The following PRKCG variants were observed in gnomAD, a reference collection of about 807,000 sequenced individuals.
PRKCG encodes protein kinase C gamma, also known as protein kinase C gamma type.
PRKCG carries 28 observed loss-of-function variants against 82.0 expected under a neutral mutation model. The observed-to-expected ratio is 0.34, with a 90% CI of 0.25 to 0.47. The LOEUF (loss-of-function observed/expected upper bound fraction) is 0.47, where lower values mean the gene tolerates loss of function less well. PRKCG is among the 20% of genes least tolerant of loss of function. The probability of loss-of-function intolerance (pLI) is 1.00; values close to 1 mark genes in which losing one functional copy is unlikely to be tolerated. For missense variants in PRKCG, 640 were observed against 952.7 expected, an observed-to-expected ratio of 0.67 and a Z score of 4.32; for synonymous variants, 383 against 376.6, an observed-to-expected ratio of 1.02 and a Z score of -0.20.
chr19:53,906,067 C>CTTCTTCT (rs1263947488), intron 16 of PRKCG, among the ~76,000 whole-genome samples: 6 of 77,412 alleles, frequency 7.8e-5, no homozygotes, highest in African/African-American at 6.8e-4. Context: ...CCTCCTCCTC[C>CTTCTTCT]TCCTCCTCCT....
chr19:53,888,152 C>A (rs969511984), intron 3 of PRKCG, among the ~76,000 whole-genome samples: 3 of 152,134 alleles, frequency 2.0e-5, no homozygotes, highest in African/African-American at 7.2e-5. Flanking sequence ...TTATTTAGTG[C>A]GGCAGGAACC....
rs1370862433 is a variant in PRKCG, at chr19:53,900,770, C to T, written c.1575+21C>T. ...CGGAGGTAACCCCAACCCTGCTGCT[C>T]TGGTCACGCTTTGAGATCCCTTAGA... On this transcript the variant is annotated intron_variant, in intron 14 of 17. Coordinates refer to ENST00000263431, the MANE Select transcript of PRKCG (RefSeq NM_002739.5). The surrounding 1 kb of genome is among the most constrained non-coding windows in gnomAD (Gnocchi z 4.2). 6.2e-7 allele frequency: 1 copy of T among 1,614,078 alleles called. No individual in the cohort carries two copies. Among genetic ancestry groups the T allele is most frequent in the Non-Finnish European group, 8.5e-7 (1 of 1,180,036 alleles).
In PRKCG at chr19:53,906,771, C is replaced by T; in HGVS notation, c.1970C>T (p.Pro657Leu). Residue 657 changes from proline to leucine, a missense_variant, in exon 18 of 18, where the codon CCA becomes CTA. By Grantham distance (98) the Pro-to-Leu change is moderately conservative. Around this residue, in one of 7 missense-constraint regions of PRKCG, gnomAD observed 198 missense variants for 273.4 expected, o/e 0.72. Transcript: ENST00000263431. ...FTRAAPALTP[P>L]DRLVLASIDQ... ...CGGGCGGCGCCAGCGCTGACCCCTC[C>T]AGACCGCCTAGTCCTGGCCAGCATC... The T allele has an allele frequency of 1.9e-6, 3 of 1,613,618 alleles. No individual in the cohort carries two copies. The highest frequency in any genetic ancestry group is 2.5e-6 in the Non-Finnish European group (3 of 1,180,016).
At position 53,889,722 on chromosome 19, in the gene PRKCG, C is replaced by A; in HGVS notation, c.370C>A (p.Leu124Ile). The A allele has an allele frequency of 6.2e-7, 1 of 1,614,134 alleles. No homozygotes were observed. Among genetic ancestry groups the A allele is most frequent in the East Asian group, 2.2e-5 (1 of 44,860 alleles). Residue 124 changes from leucine to isoleucine, a missense_variant, in exon 4 of 18, where the codon CTT becomes ATT. By Grantham distance (5) the Leu-to-Ile change is conservative (BLOSUM62 2). Transcript: ENST00000263431. This position sits in a 1 kb window ranked among gnomAD's most constrained non-coding sequence, Gnocchi z 4.4. ...CDHCGSLLYGLVHQGMKCSCC... is the reference protein window; with the variant it reads ...CDHCGSLLYGIVHQGMKCSCC... ...CCACTGTGGCTCCCTCCTCTACGGG[C>A]TTGTGCACCAGGGCATGAAATGCTC... is the stretch of plus-strand genomic sequence containing the variant.
chr19:53,900,749 G>A lies in PRKCG; in HGVS notation c.1575G>A (p.Glu525=), dbSNP rs1249494425. ...FCGTPDYIAP[E]IIAYQPYGKS... is the part of the protein sequence containing the mutation. The stretch of plus-strand genomic sequence containing the variant: ...GGACCCCGGACTACATAGCCCCGGA[G>A]GTAACCCCAACCCTGCTGCTCTGGT... Residue 525 remains glutamate, a splice_region_variant and synonymous_variant, in exon 14 of 18, where the codon GAG becomes GAA. Coordinates refer to ENST00000263431, the MANE Select transcript of PRKCG (RefSeq NM_002739.5). The surrounding 1 kb of genome is among the most constrained non-coding windows in gnomAD (Gnocchi z 4.2). The A allele has an allele frequency of 6.2e-7, 1 of 1,614,194 alleles. No individual in the cohort carries two copies. The highest frequency in any genetic ancestry group is 2.2e-5 in the East Asian group (1 of 44,888).
intron 5 of PRKCG, among the ~76,000 whole-genome samples, chr19:53,891,338 G>A (rs1421054081): frequency 4.0e-5 from 6 of 150,658 alleles, no homozygotes; most frequent in Non-Finnish European, 7.4e-5. Flanking sequence ...GTGCAGTGGC[G>A]TAATCTCGGC....
chr19:53,899,720 G>A (rs558620158), intron 11 of PRKCG, among the ~76,000 whole-genome samples: 64 of 152,184 alleles, frequency 4.2e-4, no homozygotes, highest in African/African-American at 1.5e-3. Flanking sequence ...CTGAGTAGCT[G>A]GGATTACAGG....
At chr19:53,898,383 G>A in intron 10 of PRKCG, 57 bp from the exon 11 acceptor site, 1 of 1,601,522 alleles carries the variant, frequency 6.2e-7, no homozygotes, top group Non-Finnish European at 8.6e-7. Context: ...GGAGGGGGCA[G>A]GTCCTGTACC....
At position 53,904,671 on chromosome 19, in the gene PRKCG, C is replaced by T; in HGVS notation, c.1693C>T (p.Gln565Ter). ...TGGGGAGGACGAGGAGGAGCTGTTT[C>T]AGGCCATCATGGAACAAACTGTCAC... ...FDGEDEEELF[Q>*]AIMEQTVTYP... Residue 565 changes from glutamine (Q) to a stop codon, truncating the protein, a stop_gained, in exon 16 of 18, where the codon CAG becomes TAG. Transcript: ENST00000263431. LOFTEE classifies it high-confidence loss of function. The T allele has an allele frequency of 6.2e-7, 1 of 1,613,662 alleles. No homozygotes were observed. Among genetic ancestry groups the T allele is most frequent in the Non-Finnish European group, 8.5e-7 (1 of 1,179,934 alleles).
chr19:53,898,023 A>C lies in PRKCG; in HGVS notation c.1004A>C (p.Lys335Thr). ...PSPSPSPTDP[K>T]RCFFGASPGR... The stretch of plus-strand genomic sequence containing the variant: ...CCTTCCCCTAGTCCCACCGACCCCA[A>C]GCGCTGCTTCTTCGGGGCGAGTCCA... The change falls in exon 10 of 18, where the codon AAG becomes ACG. Residue 335 changes from lysine to threonine, a missense_variant. Lys to Thr is a moderately conservative substitution (Grantham distance 78). Transcript: ENST00000263431. 1 of 1,613,972 alleles carries C rather than the reference A, an allele frequency of 6.2e-7. No individual in the cohort carries two copies. Among genetic ancestry groups the C allele is most frequent in the South Asian group, 1.1e-5 (1 of 91,068 alleles).
chr19:53,889,746 T>G lies in PRKCG; in HGVS notation c.394T>G (p.Ser132Ala). 6.2e-7 allele frequency: 1 copy of G among 1,613,728 alleles called. No individual in the cohort carries two copies. The highest frequency in any genetic ancestry group is 1.3e-5 in the African/African-American group (1 of 74,974). Residue 132 changes from serine (S) to alanine (A), a missense_variant, in exon 4 of 18, where the codon TCC becomes GCC. Physicochemically the swap from Ser to Ala is moderately conservative, Grantham distance 99. Around this residue, in one of 7 missense-constraint regions of PRKCG, gnomAD observed 261 missense variants for 312.1 expected, o/e 0.84. Transcript: ENST00000263431. The surrounding 1 kb of genome is among the most constrained non-coding windows in gnomAD (Gnocchi z 4.4). Reference protein sequence around the residue: ...YGLVHQGMKCSCCEMNVHRRC... With the variant: ...YGLVHQGMKCACCEMNVHRRC... ...GCTTGTGCACCAGGGCATGAAATGC[T>G]CCTGTGAGTGACCTGGGCCTTGCCA...
chr19:53,892,764 A>G lies in PRKCG; in HGVS notation c.821+121A>G. The G allele has an allele frequency of 1.7e-5, 20 of 1,187,198 alleles. No homozygotes were observed. Among genetic ancestry groups the G allele is most frequent in the Middle Eastern group, 2.2e-4 (1 of 4,480 alleles). 73.5% of individuals were successfully genotyped at this position (1,187,198 alleles called of 1,614,324 possible). A position where few individuals can be genotyped will look rare whatever the true frequency, so the allele number is the denominator to read the frequency against. The stretch of plus-strand genomic sequence containing the variant: ...CCTCCCAGCATGCGCACACACACAC[A>G]CACACACACACACACACGCACACAC... On this transcript the variant is annotated intron_variant, in intron 7 of 17. Transcript: ENST00000263431. This position sits in a 1 kb window ranked among gnomAD's most constrained non-coding sequence, Gnocchi z 5.9.
chr19:53,902,999 CA>C (rs1360860884), intron 14 of PRKCG, 73 bp from the exon 15 acceptor site: 2 of 1,104,778 alleles, frequency 1.8e-6, no homozygotes, highest in African/African-American at 3.1e-5. Context: ...GTAGCGCTCC[CA>C]GGGGGTGAGG....
At position 53,882,712 on chromosome 19, in the gene PRKCG, C is replaced by A; in HGVS notation, c.170+48C>A. ...CTGGGGGACGAGGGGACTAGGGGTG[C>A]AGACTCCTATCACGCCGACCCCTGT... On this transcript the variant is annotated intron_variant, in intron 1 of 17. Coordinates refer to ENST00000263431, the MANE Select transcript of PRKCG (RefSeq NM_002739.5). The surrounding 1 kb of genome is among the most constrained non-coding windows in gnomAD (Gnocchi z 6.1). The A allele has an allele frequency of 6.2e-7, 1 of 1,600,304 alleles. No homozygotes were observed. The highest frequency in any genetic ancestry group is 8.5e-7 in the Non-Finnish European group (1 of 1,172,964).
At chr19:53,895,487 CAAAAAAAA>C (rs760577483) in intron 9 of PRKCG, among the ~76,000 whole-genome samples, 1 of 62,864 alleles carries the variant, frequency 1.6e-5, no homozygotes, top group African/African-American at 4.6e-5. Flanking sequence ...GACTCTGTCT[CAAAAAAAA>C]AAAAAAAAAA....
upstream of PRKCG, among the ~76,000 whole-genome samples, chr19:53,881,491 G>A (rs1480211828): frequency 6.6e-6 from 1 of 151,884 alleles, no homozygotes; most frequent in African/African-American, 2.4e-5. Context: ...AGAGGCGGAA[G>A]AATTTATCAG....
intron 8 of PRKCG, 138 bp from the exon 9 acceptor site, chr19:53,893,224 C>T (rs1289844432): frequency 1.2e-5 from 15 of 1,262,132 alleles, no homozygotes; most frequent in Middle Eastern, 4.8e-4. Flanking sequence ...TTCTAGGGGA[C>T]TCGAGCCCCA....
intron 3 of PRKCG, among the ~76,000 whole-genome samples, chr19:53,888,375 G>A (rs936582763): frequency 3.3e-5 from 5 of 152,136 alleles, no homozygotes; most frequent in East Asian, 1.9e-4. Flanking sequence ...ATATTGTCCC[G>A]GGGGTAGTGG....
chr19:53,881,855 G>A (rs2122971187), upstream of PRKCG: 1 of 156,614 alleles, frequency 6.4e-6, no homozygotes, highest in African/African-American at 2.4e-5. Flanking sequence ...GAACCTTAGC[G>A]CCCTGCCTGT....
Sources: gnomAD v4.1 joint callset for allele counts (sites outside exome capture counted in the v4.1 genomes callset) on GRCh38, gnomAD v4.1.1 for gene constraint, gnomAD v4.1.1 regional missense constraint, Gnocchi (gnomAD v3.1) non-coding constraint, MANE v1.5 for transcripts, NCBI Gene and HGNC (gene_info 2026-07-23, HGNC 2026-07-21) for gene names.